NIBAN1: variants seen among roughly 807,000 people sequenced by gnomAD.
NIBAN1 encodes the protein protein Niban 1.
Under a neutral mutation model 75.1 loss-of-function variants are expected in NIBAN1, and 81 were observed. The ratio of observed to expected loss-of-function variants is 1.08; its 90% CI spans 0.90 to 1.30. The LOEUF is 1.30. NIBAN1 is among the 50% of genes most tolerant of loss of function. The pLI is 0.00. For synonymous variants in NIBAN1, 436 were observed against 424.8 expected (o/e 1.03, Z -0.32); for missense variants, 1,133 against 1,128.1 (o/e 1.00, Z -0.06).
chr1:184,794,757 TC>T lies in NIBAN1; in HGVS notation c.*219del. 2 of 624,474 alleles carry T rather than the reference TC, an allele frequency of 3.2e-6. No homozygotes were observed. Among genetic ancestry groups the T allele is most frequent in the Non-Finnish European group, 5.6e-6 (2 of 356,758 alleles). 38.7% of individuals were successfully genotyped at this position (624,474 alleles called of 1,614,324 possible). ...CCAAGTATGCCATTGTCTTTGTAAT[TC>T]TTATTAAAATACTAAAGCAAAAATT... On this transcript the variant is annotated 3_prime_UTR_variant, in exon 14 of 14. Coordinates refer to ENST00000367511, the MANE Select transcript of NIBAN1 (RefSeq NM_052966.4).
intron 4 of NIBAN1, 73 bp downstream of exon 4, chr1:184,890,035 C>T (rs1656624334): frequency 8.4e-7 from 1 of 1,183,732 alleles, no homozygotes; most frequent in Non-Finnish European, 1.2e-6. Flanking sequence ...CTCTCCTTCA[C>T]AGAGAAACAC....
At chr1:184,885,478 G>T (rs966205790) in intron 4 of NIBAN1, among the ~76,000 whole-genome samples, 4 of 152,190 alleles carry the variant, frequency 2.6e-5, no homozygotes, top group Non-Finnish European at 4.4e-5. Context: ...CCCAGCCTGG[G>T]CACAATCTTT....
chr1:184,869,319 T>C (rs1656037731), intron 5 of NIBAN1, among the ~76,000 whole-genome samples: 1 of 152,200 alleles, frequency 6.6e-6, no homozygotes, highest in African/African-American at 2.4e-5. Flanking sequence ...TACGTAAAAT[T>C]AGATCGTCCA....
chr1:184,897,042 A>G (rs1656818430), intron 2 of NIBAN1, among the ~76,000 whole-genome samples: 2 of 152,214 alleles, frequency 1.3e-5, no homozygotes, highest in East Asian at 1.9e-4. Flanking sequence ...TTTGTTCCCT[A>G]TGAACTTTAG....
intron 1 of NIBAN1, among the ~76,000 whole-genome samples, chr1:184,954,478 G>C (rs549778406): frequency 6.6e-6 from 1 of 152,130 alleles, no homozygotes; most frequent in Non-Finnish European, 1.5e-5. Flanking sequence ...GAAGACCAGG[G>C]CAAAGGCAAA....
chr1:184,952,525 C>T (rs937977856), intron 1 of NIBAN1, among the ~76,000 whole-genome samples: 1 of 152,110 alleles, frequency 6.6e-6, no homozygotes, highest in Admixed American at 6.5e-5. Context: ...TTGTCTTGGG[C>T]CATACATAAA....
chr1:184,833,758 TGAC>T (rs1479899801), intron 5 of NIBAN1, among the ~76,000 whole-genome samples: 2 of 151,482 alleles, frequency 1.3e-5, no homozygotes, highest in African/African-American at 2.4e-5. Context: ...GAACAGTAAC[TGAC>T]ATTTCCAATA....
intron 1 of NIBAN1, among the ~76,000 whole-genome samples, chr1:184,916,331 T>C (rs1657382804): frequency 6.6e-6 from 1 of 152,254 alleles, no homozygotes; most frequent in African/African-American, 2.4e-5. Flanking sequence ...ATTATTTACA[T>C]GTAATGCTAA....
At chr1:184,956,169 C>T (rs982509936) in intron 1 of NIBAN1, among the ~76,000 whole-genome samples, 1 of 152,092 alleles carries the variant, frequency 6.6e-6, no homozygotes, top group Non-Finnish European at 1.5e-5. Flanking sequence ...GCTAGGACTA[C>T]AAGCATGCGC....
intron 5 of NIBAN1, among the ~76,000 whole-genome samples, chr1:184,854,615 C>G (rs1189189037): frequency 2.0e-5 from 3 of 152,180 alleles, no homozygotes; most frequent in Admixed American, 6.6e-5. Context: ...GGTAATATTC[C>G]TGCTCAGTTT....
intron 1 of NIBAN1, among the ~76,000 whole-genome samples, chr1:184,959,701 C>T (rs1476301231): frequency 6.6e-6 from 1 of 152,254 alleles, no homozygotes; most frequent in Admixed American, 6.5e-5. Context: ...TTGAGGTTTG[C>T]TTTTAAATTT....
In NIBAN1 at chr1:184,890,101, A is replaced by G; in HGVS notation, c.433+7T>C. Reference sequence around the variant, plus strand: ...TTTGCCTTGGAAAAGAATGATCAGCAACTCACCAAGAGGGTCTGGGAAATG... The same window carrying G: ...TTTGCCTTGGAAAAGAATGATCAGCGACTCACCAAGAGGGTCTGGGAAATG... On this transcript the variant is annotated splice_region_variant and intron_variant, in intron 4 of 13. Transcript: ENST00000367511. 1.9e-6 allele frequency: 3 copies of G among 1,602,280 alleles called. No individual in the cohort carries two copies. Among genetic ancestry groups the G allele is most frequent in the Non-Finnish European group, 2.6e-6 (3 of 1,169,416 alleles).
intron 1 of NIBAN1, among the ~76,000 whole-genome samples, chr1:184,945,886 G>A (rs961030962): frequency 2.0e-5 from 3 of 151,900 alleles, no homozygotes; most frequent in Admixed American, 1.3e-4. Flanking sequence ...CCATCTGTCC[G>A]CAGACTATGG....
rs1320831700 is a variant in NIBAN1 at position 184,871,359 on chromosome 1, A to AG, written c.601+13273_601+13274insC. ...CAAAACTCTATCTCAAAAAAAAAAA[A>AG]AAAAAAAAAAAAAAGAGGAAAATGT... On this transcript the variant is annotated intron_variant, in intron 5 of 13. Transcript: ENST00000367511. Among the ~76,000 whole-genome samples, 8 of 135,688 alleles carry AG rather than the reference A, an allele frequency of 5.9e-5. 2 individuals carry two copies. The East Asian group carries it at 1.6e-3, about 28-fold the overall frequency. 89.0% of individuals were successfully genotyped at this position (135,688 alleles called of 152,430 possible). A position where few individuals can be genotyped will look rare whatever the true frequency, so the allele number is the denominator to read the frequency against.
intron 1 of NIBAN1, among the ~76,000 whole-genome samples, chr1:184,949,347 G>C (rs934777191): frequency 9.9e-5 from 15 of 152,164 alleles, no homozygotes; most frequent in Non-Finnish European, 1.5e-5. Context: ...GACAGAGCGA[G>C]ACTCCGTCTC....
At chr1:184,907,610 G>T (rs1332698783) in intron 1 of NIBAN1, among the ~76,000 whole-genome samples, 1 of 152,192 alleles carries the variant, frequency 6.6e-6, no homozygotes, top group Non-Finnish European at 1.5e-5. Context: ...TTAGGGTGGA[G>T]AAATTGGAAA....
chr1:184,817,997 T>A (rs549088), intron 9 of NIBAN1, among the ~76,000 whole-genome samples: 2 of 152,114 alleles, frequency 1.3e-5, no homozygotes, highest in African/African-American at 2.4e-5. Flanking sequence ...TGTCACTTGA[T>A]CTTTTTTGTC....
At chr1:184,869,757 G>A (rs1415806093) in intron 5 of NIBAN1, among the ~76,000 whole-genome samples, 1 of 152,092 alleles carries the variant, frequency 6.6e-6, no homozygotes, top group Non-Finnish European at 1.5e-5. Flanking sequence ...GGCCAGGCTA[G>A]TCTCAAACTC....
chr1:184,845,118 A>G (rs1162833422), intron 5 of NIBAN1, among the ~76,000 whole-genome samples: 1 of 152,256 alleles, frequency 6.6e-6, no homozygotes, highest in Non-Finnish European at 1.5e-5. Flanking sequence ...CTTTAAGCTA[A>G]AAGACACTAG....
Sources: gnomAD v4.1 joint callset for allele counts (sites outside exome capture counted in the v4.1 genomes callset) on GRCh38, gnomAD v4.1.1 for gene constraint, MANE v1.5 for transcripts, NCBI Gene and HGNC (gene_info 2026-07-23, HGNC 2026-07-21) for gene names.